The following MYRF variants were observed in gnomAD, a reference collection of about 807,000 sequenced individuals.
MYRF encodes the protein myelin regulatory factor.
Under a neutral mutation model 126.3 loss-of-function variants are expected in MYRF, and 16 were observed. That is an observed-to-expected ratio of 0.13 (90% confidence interval 0.09 to 0.19). The LOEUF is 0.19. Among genes scored for constraint, MYRF ranks in the 10% least tolerant of loss-of-function variants. The pLI is 1.00. For missense variants in MYRF, 1,104 were observed against 1,547.0 expected (o/e 0.71, Z 4.80); for synonymous variants, 608 against 635.3 (o/e 0.96, Z 0.65).
At chr11:61,770,132 C>T (rs1483668999) in intron 4 of MYRF, 114 bp from the exon 5 acceptor site, 15 of 1,111,124 alleles carry the variant, frequency 1.3e-5, no homozygotes, top group Non-Finnish European at 1.8e-5. Context: ...GGGGGCAGCC[C>T]CCGGGCTTGG....
At position 61,766,234 on chromosome 11, in the gene MYRF, A is replaced by G; in HGVS notation, c.398+13A>G. 2 of 1,598,872 alleles carry G rather than the reference A, an allele frequency of 1.3e-6. No homozygotes were observed. The highest frequency in any genetic ancestry group is 1.7e-6 in the Non-Finnish European group (2 of 1,174,396). ...CCTATGCCCCAGGGTGAGTAAGGGC[A>G]GGGAGTAGGGGGATACAGCGGCATA... On this transcript the variant is annotated intron_variant, in intron 3 of 26. Coordinates refer to ENST00000278836, the MANE Select transcript of MYRF (RefSeq NM_001127392.3).
At chr11:61,773,096 C>T (rs2066272276) in intron 7 of MYRF, among the ~76,000 whole-genome samples, 1 of 151,348 alleles carries the variant, frequency 6.6e-6, no homozygotes, top group Non-Finnish European at 1.5e-5. Flanking sequence ...ACCTCCGCCT[C>T]CTGGGTTCAA....
intron 21 of MYRF, 46 bp from the exon 22 acceptor site, chr11:61,781,527 G>A: frequency 6.3e-7 from 1 of 1,587,582 alleles, no homozygotes; most frequent in Non-Finnish European, 8.6e-7. Flanking sequence ...TGGACAGGAA[G>A]CAGCCAGCTT....
chr11:61,779,695 C>T, intron 16 of MYRF, 125 bp downstream of exon 16: 1 of 1,209,794 alleles, frequency 8.3e-7, no homozygotes, highest in Non-Finnish European at 1.1e-6. Context: ...CTCTGTAGCC[C>T]TCCCAGCCCC....
Position 61,779,933 on chromosome 11 carries a change from G to A in MYRF, c.2336+3G>A. The A allele has an allele frequency of 1.2e-6, 2 of 1,613,142 alleles. No individual in the cohort carries two copies. Among genetic ancestry groups the A allele is most frequent in the Non-Finnish European group, 1.7e-6 (2 of 1,179,438 alleles). The stretch of plus-strand genomic sequence containing the variant: ...CTGGTGGTGGTCATGGCCTTCAGGT[G>A]ACTTGTCCCCTGGGCTCTCATGGTG... On this transcript the variant is annotated splice_donor_region_variant and intron_variant, in intron 17 of 26. Coordinates refer to ENST00000278836, the MANE Select transcript of MYRF (RefSeq NM_001127392.3).
intron 1 of MYRF, among the ~76,000 whole-genome samples, chr11:61,765,185 C>T (rs1257507409): frequency 1.3e-5 from 2 of 152,230 alleles, no homozygotes; most frequent in Non-Finnish European, 2.9e-5. Flanking sequence ...GGGTCCGAGC[C>T]ATCCCATCGA....
rs389127 is a variant in MYRF, at chr11:61,783,960, G to A, written c.3194+35G>A. 5 of 1,572,594 alleles carry A rather than the reference G, an allele frequency of 3.2e-6. No homozygotes were observed. The East Asian group carries it at 9.3e-5, about 29-fold the overall frequency. On this transcript the variant is annotated intron_variant, in intron 24 of 26. Coordinates refer to ENST00000278836, the MANE Select transcript of MYRF (RefSeq NM_001127392.3). This position sits in a 1 kb window ranked among gnomAD's most constrained non-coding sequence, Gnocchi z 4.6. ...GGTGTGGGGAAGTGGGAGGCAGGAG[G>A]GGAGCCAGGGAGAATCTCCCGCAGA...
chr11:61,771,472 C>T (rs2066217057), intron 5 of MYRF, 28 bp from the exon 6 acceptor site: 3 of 1,597,324 alleles, frequency 1.9e-6, no homozygotes, highest in African/African-American at 2.7e-5. Context: ...AGAGCCAGCC[C>T]CCACGGCGCA....
At chr11:61,769,212 CA>C in intron 3 of MYRF, 47 bp from the exon 4 acceptor site, 1 of 1,158,330 alleles carries the variant, frequency 8.6e-7, no homozygotes, top group Non-Finnish European at 1.3e-6. Context: ...AGCTGGAAGG[CA>C]GAAGCTCAGC....
In MYRF at chr11:61,757,809, G is replaced by A. The variant is rs143440891; in HGVS notation, c.46+5019G>A. 2.5e-3 allele frequency among the ~76,000 whole-genome samples: 375 copies of A among 152,282 alleles called. 3 individuals carry two copies. Among genetic ancestry groups the A allele is most frequent in the Non-Finnish European group, 3.7e-3 (253 of 67,990 alleles). On this transcript the variant is annotated intron_variant, in intron 1 of 26. Coordinates refer to ENST00000278836, the MANE Select transcript of MYRF (RefSeq NM_001127392.3). This position sits in a 1 kb window ranked among gnomAD's most constrained non-coding sequence, Gnocchi z 4.7. ...GTGACGGCCTCCCATTTCTGAGGGG[G>A]ACTGTGAGGCAGGACAGGAAGGCGA...
In MYRF at chr11:61,781,948, C is replaced by T. The variant is rs2066564373; in HGVS notation, c.3016+124C>T. 6 of 1,226,698 alleles carry T rather than the reference C, an allele frequency of 4.9e-6. No homozygotes were observed. In the Admixed American group the frequency reaches 1.8e-4, roughly 36 times the overall value. 76.0% of individuals were successfully genotyped at this position (1,226,698 alleles called of 1,614,324 possible). ...TGTCAGTCAATAGACGTTTGCTGAGCACAGAATAAGGATCAGGAATCAGGC... is the reference window on the plus strand; with the variant it reads ...TGTCAGTCAATAGACGTTTGCTGAGTACAGAATAAGGATCAGGAATCAGGC... On this transcript the variant is annotated intron_variant, in intron 22 of 26. Coordinates refer to ENST00000278836, the MANE Select transcript of MYRF (RefSeq NM_001127392.3).
chr11:61,764,635 A>G (rs1406895807), intron 1 of MYRF, among the ~76,000 whole-genome samples: 1 of 152,052 alleles, frequency 6.6e-6, no homozygotes. Context: ...GCTGTCCTCC[A>G]TTATCGGGGT....
rs545423919 is a variant in MYRF at position 61,753,210 on chromosome 11, C to T, written c.46+420C>T. 1.2e-4 allele frequency among the ~76,000 whole-genome samples: 19 copies of T among 152,128 alleles called. No homozygotes were observed. In the South Asian group the frequency reaches 2.1e-3, roughly 17 times the overall value. ...CAGACCCCCGGTGTGCCTTCTAGGA[C>T]CTTCCGTACCTCTTGAGGCTGGACC... On this transcript the variant is annotated intron_variant, in intron 1 of 26. Transcript: ENST00000278836.
intron 1 of MYRF, chr11:61,755,328 G>C: frequency 1.3e-6 from 2 of 1,559,558 alleles, no homozygotes. Context: ...TGGTACAGCC[G>C]GGCCCCCGTG....
In MYRF at chr11:61,786,113, C is replaced by T. The variant is rs569289445; in HGVS notation, c.3426C>T (p.Tyr1142=). 1 of 1,614,216 alleles carries T rather than the reference C, an allele frequency of 6.2e-7. No individual in the cohort carries two copies. The highest frequency in any genetic ancestry group is 1.1e-5 in the South Asian group (1 of 91,086). Residue 1142 remains tyrosine, a synonymous_variant, in exon 27 of 27, where the codon TAC becomes TAT. Coordinates refer to ENST00000278836, the MANE Select transcript of MYRF (RefSeq NM_001127392.3). The surrounding 1 kb of genome is among the most constrained non-coding windows in gnomAD (Gnocchi z 4.5). ...SEALAQPATD[Y]HFHFYRLCD ...CTCTCGCCCAGCCAGCCACAGACTA[C>T]CACTTCCACTTCTACCGCCTGTGTG... is the stretch of plus-strand genomic sequence containing the variant.
chr11:61,765,422 C>T (rs540058792), intron 1 of MYRF, among the ~76,000 whole-genome samples: 106 of 151,970 alleles, frequency 7.0e-4, no homozygotes, highest in African/African-American at 2.3e-3. Flanking sequence ...TGTGGTGGGG[C>T]GGGGGGGCAT....
Position 61,769,188 on chromosome 11 carries a change from C to A in MYRF, c.399-72C>A, listed in dbSNP as rs2066140548. The A allele has an allele frequency of 3.3e-6, 3 of 895,552 alleles. No individual in the cohort carries two copies. The South Asian group carries it at 4.5e-5, about 13-fold the overall frequency. The allele number at this position is 895,552 out of a possible 1,614,324, so 55.5% of individuals were successfully genotyped here. A position where few individuals can be genotyped will look rare whatever the true frequency, so the allele number is the denominator to read the frequency against. Reference sequence around the variant, plus strand: ...TGGGGGGCTGTGGGACCCTACCACGCAGAGAAGCTGCCCAGCTGGAAGGCA... The same window carrying A: ...TGGGGGGCTGTGGGACCCTACCACGAAGAGAAGCTGCCCAGCTGGAAGGCA... On this transcript the variant is annotated intron_variant, in intron 3 of 26. Coordinates refer to ENST00000278836, the MANE Select transcript of MYRF (RefSeq NM_001127392.3).
At chr11:61,761,259 T>TGGCG (rs1555053515) in intron 1 of MYRF, among the ~76,000 whole-genome samples, 12 of 78,240 alleles carry the variant, frequency 1.5e-4, no homozygotes, top group Non-Finnish European at 2.5e-4. Flanking sequence ...CCACAGCTGG[T>TGGCG]GGGGGGGGGG....
rs1203637411 is a variant in MYRF, at chr11:61,777,998, C to A, written c.1903+153C>A. ...CCTTCTAGAAGTCCCGCCCCTCGGA[C>A]CTTGGAAAATCGCACCTCTCCAGGT... On this transcript the variant is annotated intron_variant, in intron 13 of 26. Transcript: ENST00000278836. This position sits in a 1 kb window ranked among gnomAD's most constrained non-coding sequence, Gnocchi z 8.8. Among the ~76,000 whole-genome samples the A allele has an allele frequency of 6.6e-6, 1 of 152,178 alleles. No homozygotes were observed. Among genetic ancestry groups the A allele is most frequent in the East Asian group, 1.9e-4 (1 of 5,190 alleles).
Sources: allele counts gnomAD v4.1 joint callset (sites outside exome capture counted in the v4.1 genomes callset), GRCh38; gene constraint gnomAD v4.1.1; non-coding constraint Gnocchi (gnomAD v3.1); transcripts MANE v1.5; gene names NCBI Gene and HGNC (gene_info 2026-07-23, HGNC 2026-07-21).